DGKI: variants seen among roughly 807,000 people sequenced by gnomAD.
DGKI encodes diacylglycerol kinase iota, also known as DAG kinase iota.
In DGKI, 55 loss-of-function variants were observed where a neutral mutation model predicts 147.5. The observed-to-expected ratio is 0.37, with a 90% CI of 0.30 to 0.47. The LOEUF (loss-of-function observed/expected upper bound fraction) is 0.47, where lower values mean the gene tolerates loss of function less well. Among genes scored for constraint, DGKI ranks in the 20% least tolerant of loss-of-function variants. DGKI has a pLI of 1.00. For missense variants in DGKI, 1,007 were observed against 1,323.8 expected, an observed-to-expected ratio of 0.76 and a Z score of 3.71; for synonymous variants, 469 against 477.1, an observed-to-expected ratio of 0.98 and a Z score of 0.22.
chr7:137,476,519 T>C (rs570983053), intron 23 of DGKI, among the ~76,000 whole-genome samples: 32 of 152,256 alleles, frequency 2.1e-4, no homozygotes, highest in African/African-American at 7.5e-4. Context: ...ACAATTGGAG[T>C]GTTCAAGTCT....
chr7:137,675,683 CAAAAAAAAA>C (rs61282606), intron 3 of DGKI, among the ~76,000 whole-genome samples: 1 of 107,686 alleles, frequency 9.3e-6, no homozygotes, highest in Admixed American at 9.8e-5. Context: ...AGACTACATC[CAAAAAAAAA>C]AAAAAAAAAA....
rs1382996581 is a variant in DGKI, at chr7:137,609,013, T to C, written c.1120A>G (p.Met374Val). The change falls in exon 10 of 33, where the codon ATG (methionine) becomes GTG (valine). Residue 374 changes from methionine to valine, a missense_variant. Around this residue, in one of 5 missense-constraint regions of DGKI, gnomAD observed 259 missense variants for 362.5 expected, o/e 0.71. Transcript: ENST00000614521. Reference protein sequence around the residue: ...FVIKPISSPLMKPLLVFVNPK... With the variant: ...FVIKPISSPLVKPLLVFVNPK... The stretch of plus-strand genomic sequence containing the variant: ...TTCACAAATACAAGCAAGGGTTTCA[T>C]GAGAGGAGAAGAGATGGGTTTTATC... The C allele has an allele frequency of 1.9e-6, 3 of 1,613,638 alleles. No individual in the cohort carries two copies. Among genetic ancestry groups the C allele is most frequent in the African/African-American group, 1.3e-5 (1 of 74,876 alleles).
intron 1 of DGKI, among the ~76,000 whole-genome samples, chr7:137,826,339 G>A (rs549223592): frequency 6.6e-6 from 1 of 152,296 alleles, no homozygotes; most frequent in East Asian, 1.9e-4. Flanking sequence ...AATCCTTCTG[G>A]AACAGGCCTG....
intron 1 of DGKI, among the ~76,000 whole-genome samples, chr7:137,815,864 T>C (rs1245159917): frequency 6.6e-6 from 1 of 152,148 alleles, no homozygotes; most frequent in African/African-American, 2.4e-5. Flanking sequence ...TCTTTCTATT[T>C]TCATTATGGG....
chr7:137,807,163 G>A (rs1049954720), intron 1 of DGKI, among the ~76,000 whole-genome samples: 10 of 152,130 alleles, frequency 6.6e-5, no homozygotes, highest in Non-Finnish European at 1.5e-4. Context: ...AAAATATTCT[G>A]CATATGCAGT....
At position 137,828,221 on chromosome 7, in the gene DGKI, A is replaced by T. The variant is rs941990348; in HGVS notation, c.401+18241T>A. ...GGCTATTTTTTTTATTTCTTTCTCC[A>T]ATAAGTTATAAGCAACTTGAAACAA... On this transcript the variant is annotated intron_variant, in intron 1 of 32. Coordinates refer to ENST00000614521, the MANE Select transcript of DGKI (RefSeq NM_001321708.2). 9.9e-5 allele frequency among the ~76,000 whole-genome samples: 15 copies of T among 152,200 alleles called. 1 individual carries two copies. Among genetic ancestry groups the T allele is most frequent in the Non-Finnish European group, 1.5e-5 (1 of 68,030 alleles).
chr7:137,562,273 C>T (rs138303182), intron 19 of DGKI, among the ~76,000 whole-genome samples: 1,770 of 152,294 alleles, frequency 0.012, 18 homozygotes, highest in African/African-American at 0.024. Flanking sequence ...CAGTGGCTCA[C>T]GCCTGTAATC....
chr7:137,764,851 C>G (rs1795962076), intron 1 of DGKI, among the ~76,000 whole-genome samples: 1 of 152,214 alleles, frequency 6.6e-6, no homozygotes, highest in African/African-American at 2.4e-5. Flanking sequence ...CCTCTCCAAT[C>G]TCTTCCTCCA....
intron 1 of DGKI, among the ~76,000 whole-genome samples, chr7:137,776,215 T>C (rs918223228): frequency 3.9e-5 from 6 of 152,188 alleles, no homozygotes; most frequent in African/African-American, 1.2e-4. Flanking sequence ...GAGTGAATCA[T>C]TGGAATAGAT....
chr7:137,383,909 G>A lies in DGKI; in HGVS notation c.*7311C>T, dbSNP rs892151778. 2 of 151,816 alleles carry A rather than the reference G, an allele frequency of 1.3e-5. No homozygotes were observed. Among genetic ancestry groups the A allele is most frequent in the Admixed American group, 1.3e-4 (2 of 15,220 alleles). The allele number at this position is 151,816 out of a possible 1,614,324, so 9.4% of individuals were successfully genotyped here. A position where few individuals can be genotyped will look rare whatever the true frequency, so the allele number is the denominator to read the frequency against. On this transcript the variant is annotated 3_prime_UTR_variant, in exon 33 of 33. Transcript: ENST00000614521. ...CATATTCACCAATCTGCCCATAAAT[G>A]TCCCTTGTAAAGTATGAGATTCTGA...
chr7:137,609,356 T>A (rs1055834997), intron 9 of DGKI, among the ~76,000 whole-genome samples, 179 bp downstream of exon 9: 1 of 151,978 alleles, frequency 6.6e-6, no homozygotes, highest in African/African-American at 2.4e-5. Context: ...CAGAGGTTAG[T>A]TTTGAGTGTT....
chr7:137,650,127 TAGTC>T (rs1166354783), intron 5 of DGKI, among the ~76,000 whole-genome samples: 1 of 152,200 alleles, frequency 6.6e-6, no homozygotes, highest in Non-Finnish European at 1.5e-5. Context: ...AAATGGGTCA[TAGTC>T]AGTGAGTCAT....
At chr7:137,677,988 G>A (rs1057155364) in intron 3 of DGKI, among the ~76,000 whole-genome samples, 5 of 152,130 alleles carry the variant, frequency 3.3e-5, no homozygotes, top group Non-Finnish European at 7.4e-5. Flanking sequence ...TCTAAATAGG[G>A]ACACAAAGCA....
At chr7:137,705,522 AACTAACCTATTG>A (rs1793989498) in intron 1 of DGKI, among the ~76,000 whole-genome samples, 1 of 152,174 alleles carries the variant, frequency 6.6e-6, no homozygotes, top group African/African-American at 2.4e-5. Flanking sequence ...GAACAGGAAA[AACTAACCTATTG>A]CAGTAGAAAT....
intron 1 of DGKI, among the ~76,000 whole-genome samples, chr7:137,707,611 C>A (rs1412033236): frequency 3.3e-5 from 5 of 152,110 alleles, no homozygotes; most frequent in Non-Finnish European, 7.3e-5. Context: ...TGCATAGCAC[C>A]TCTCCACCCT....
intron 19 of DGKI, among the ~76,000 whole-genome samples, chr7:137,553,463 A>G (rs1646375): frequency 0.11 from 16,626 of 152,210 alleles, 2,049 homozygotes; most frequent in African/African-American, 0.3. Flanking sequence ...AACTCAGTTC[A>G]TCATGGTAGC....
chr7:137,756,299 G>C (rs1158508200), intron 1 of DGKI, among the ~76,000 whole-genome samples: 2 of 152,104 alleles, frequency 1.3e-5, no homozygotes, highest in African/African-American at 4.8e-5. Flanking sequence ...CAGGCTCCAA[G>C]TTCACACCTA....
intron 17 of DGKI, among the ~76,000 whole-genome samples, chr7:137,573,925 C>G (rs1818879231): frequency 6.6e-6 from 1 of 152,214 alleles, no homozygotes; most frequent in Non-Finnish European, 1.5e-5. Flanking sequence ...GAGAATAACT[C>G]TAGTCATGAC....
At chr7:137,679,902 A>G (rs1442203360) in intron 2 of DGKI, among the ~76,000 whole-genome samples, 2 of 151,288 alleles carry the variant, frequency 1.3e-5, no homozygotes, top group Non-Finnish European at 2.9e-5. Flanking sequence ...GAGGCAGGAG[A>G]ATCACTTGAA....
Sources: gnomAD v4.1 joint callset for allele counts (sites outside exome capture counted in the v4.1 genomes callset) on GRCh38, gnomAD v4.1.1 for gene constraint, gnomAD v4.1.1 regional missense constraint, MANE v1.5 for transcripts, NCBI Gene and HGNC (gene_info 2026-07-23, HGNC 2026-07-21) for gene names.